Variants in NRXN1 observed in about 807,000 individuals in gnomAD.
NRXN1 encodes the protein neurexin-1.
A neutral mutation model predicts 150.9 loss-of-function variants in NRXN1; 39 were observed. That is an observed-to-expected ratio of 0.26 (90% CI 0.20 to 0.34). NRXN1 has a LOEUF of 0.34. Ranked by LOEUF, NRXN1 falls within the 10% of genes least tolerant of loss-of-function variation. NRXN1 has a pLI of 1.00. For synonymous variants in NRXN1, 924 were observed against 757.0 expected, an observed-to-expected ratio of 1.22 and a Z score of -3.62; for missense variants, 1,815 against 1,949.9, an observed-to-expected ratio of 0.93 and a Z score of 1.30.
chr2:51,008,253 G>A (rs1474909452), intron 2 of NRXN1, among the ~76,000 whole-genome samples: 2 of 151,834 alleles, frequency 1.3e-5, no homozygotes, highest in Non-Finnish European at 2.9e-5. Context: ...TAGCTCAAAT[G>A]CTATTATACT....
intron 5 of NRXN1, among the ~76,000 whole-genome samples, chr2:50,819,195 A>G (rs943687279): frequency 6.6e-6 from 1 of 152,172 alleles, no homozygotes; most frequent in African/African-American, 2.4e-5. Context: ...ACCCAAAGGA[A>G]CTGAAAACTA....
chr2:50,476,963 G>C (rs2090042328), intron 15 of NRXN1, among the ~76,000 whole-genome samples: 1 of 152,110 alleles, frequency 6.6e-6, no homozygotes, highest in South Asian at 2.1e-4. Flanking sequence ...GAAAATCAGA[G>C]AAATAACAGG....
intron 17 of NRXN1, among the ~76,000 whole-genome samples, chr2:50,416,157 A>G (rs922984509): frequency 2.0e-5 from 3 of 152,108 alleles, no homozygotes; most frequent in Non-Finnish European, 4.4e-5. Context: ...AAGCTATATA[A>G]TAAGATCAAT....
intron 2 of NRXN1, among the ~76,000 whole-genome samples, chr2:50,954,108 A>G (rs541206540): frequency 3.3e-5 from 5 of 152,312 alleles, no homozygotes; most frequent in Non-Finnish European, 7.4e-5. Flanking sequence ...AATGAAGTTA[A>G]TCACTACTTC....
In NRXN1 at chr2:51,028,294, G is replaced by A. The variant is rs576405440; in HGVS notation, c.-21C>T. 4 of 1,411,126 alleles carry A rather than the reference G, an allele frequency of 2.8e-6. No homozygotes were observed. The highest frequency in any genetic ancestry group is 3.7e-6 in the Non-Finnish European group (4 of 1,084,282). The allele number at this position is 1,411,126 out of a possible 1,614,324, so 87.4% of individuals were successfully genotyped here. A position where few individuals can be genotyped will look rare whatever the true frequency, so the allele number is the denominator to read the frequency against. ...CCCATGCTCGGGGCTGGGGTGCGGC[G>A]GGGGGGTGCCGGGGCCGACAGGGTC... On this transcript the variant is annotated 5_prime_UTR_variant, in exon 2 of 23. Coordinates refer to ENST00000401669, the MANE Select transcript of NRXN1 (RefSeq NM_001330078.2).
At chr2:49,924,253 T>G (rs1668705418) in intron 22 of NRXN1, among the ~76,000 whole-genome samples, 1 of 152,226 alleles carries the variant, frequency 6.6e-6, no homozygotes, top group Non-Finnish European at 1.5e-5. Context: ...GCTTTCATTT[T>G]AAACACATTT....
chr2:50,605,809 AAT>A (rs1677014372), intron 8 of NRXN1, among the ~76,000 whole-genome samples: 1 of 152,146 alleles, frequency 6.6e-6, no homozygotes, highest in African/African-American at 2.4e-5. Flanking sequence ...CCAAAAAAAA[AAT>A]GAAGTCAGAA....
intron 5 of NRXN1, among the ~76,000 whole-genome samples, chr2:50,778,273 C>T (rs1057135471): frequency 6.6e-6 from 1 of 152,140 alleles, no homozygotes; most frequent in Non-Finnish European, 1.5e-5. Flanking sequence ...ATTCACCCAA[C>T]TCAGTGTTTT....
At position 50,346,684 on chromosome 2, in the gene NRXN1, G is replaced by A; in HGVS notation, c.3365-109714C>T. ...TAACCCGCGAGAACTTGGCATCGCAGACCCACCGTGTCCGCCTCGCAAGGA... is the reference window on the plus strand; with the variant it reads ...TAACCCGCGAGAACTTGGCATCGCAAACCCACCGTGTCCGCCTCGCAAGGA... On this transcript the variant is annotated intron_variant, in intron 17 of 22. Transcript: ENST00000401669. The surrounding 1 kb of genome is among the most constrained non-coding windows in gnomAD (Gnocchi z 5.0). 1 of 1,612,974 alleles carries A rather than the reference G, an allele frequency of 6.2e-7. No individual in the cohort carries two copies. The highest frequency in any genetic ancestry group is 8.5e-7 in the Non-Finnish European group (1 of 1,179,344).
At chr2:50,562,979 A>T (rs1669325290) in intron 8 of NRXN1, among the ~76,000 whole-genome samples, 2 of 152,140 alleles carry the variant, frequency 1.3e-5, no homozygotes, top group African/African-American at 4.8e-5. Context: ...TAAACATCTC[A>T]TGTAATTTCG....
chr2:50,334,192 A>AATTTTATATATATATATATATATATAT (rs57808424), intron 17 of NRXN1, among the ~76,000 whole-genome samples: 36 of 118,970 alleles, frequency 3.0e-4, no homozygotes, highest in African/African-American at 7.3e-4. Context: ...ACCAGGACCA[A>AATTTTATATATATATATATATATATAT]ATATATATAT....
Position 50,497,401 on chromosome 2 carries a change from G to A in NRXN1, c.2811C>T (p.Ser937=), listed in dbSNP as rs1362398516. 2.5e-6 allele frequency: 4 copies of A among 1,601,136 alleles called. No individual in the cohort carries two copies. The South Asian group carries it at 4.5e-5, about 18-fold the overall frequency. The stretch of plus-strand genomic sequence containing the variant: ...TGTTATATAGAATTAATCCATCTAG[G>A]GATGTTGTCTTGAACTGGAAAAAAA... ...MHLFFQFKTT[S]LDGLILYNSG... The change falls in exon 14 of 23, where the codon TCC becomes TCT. Residue 937 remains serine, a synonymous_variant. Coordinates refer to ENST00000401669, the MANE Select transcript of NRXN1 (RefSeq NM_001330078.2).
chr2:50,297,697 C>T lies in NRXN1; in HGVS notation c.3365-60727G>A, dbSNP rs138527069. Reference sequence around the variant, plus strand: ...AATCAAGACAAAGTTCCTGGGATAACTGTTTATATTAAAATAATTAAAACT... The same window carrying T: ...AATCAAGACAAAGTTCCTGGGATAATTGTTTATATTAAAATAATTAAAACT... On this transcript the variant is annotated intron_variant, in intron 17 of 22. Coordinates refer to ENST00000401669, the MANE Select transcript of NRXN1 (RefSeq NM_001330078.2). Among the ~76,000 whole-genome samples, 44 of 152,252 alleles carry T rather than the reference C, an allele frequency of 2.9e-4. 1 individual carries two copies. In the East Asian group the frequency reaches 3.3e-3, roughly 11 times the overall value.
At chr2:50,744,081 T>A (rs542664985) in intron 5 of NRXN1, among the ~76,000 whole-genome samples, 1 of 152,262 alleles carries the variant, frequency 6.6e-6, no homozygotes, top group East Asian at 1.9e-4. Flanking sequence ...TTCACATGTG[T>A]TGAGAACATT....
chr2:50,184,805 G>T (rs1034697337), intron 18 of NRXN1, among the ~76,000 whole-genome samples: 1 of 151,982 alleles, frequency 6.6e-6, no homozygotes, highest in African/African-American at 2.4e-5. Flanking sequence ...ATTAACTCCT[G>T]ATGACCCTAT....
At chr2:50,736,998 C>T (rs986605348) in intron 5 of NRXN1, among the ~76,000 whole-genome samples, 2 of 152,110 alleles carry the variant, frequency 1.3e-5, no homozygotes, top group African/African-American at 4.8e-5. Flanking sequence ...TGGTGCATGC[C>T]TGTAATCCCA....
At chr2:50,574,943 G>A (rs1671177518) in intron 8 of NRXN1, among the ~76,000 whole-genome samples, 1 of 152,084 alleles carries the variant, frequency 6.6e-6, no homozygotes, top group Non-Finnish European at 1.5e-5. Flanking sequence ...ACCACACAAC[G>A]TCCCCCAGCA....
chr2:50,496,449 C>T (rs897383211), intron 14 of NRXN1, among the ~76,000 whole-genome samples: 16 of 152,280 alleles, frequency 1.1e-4, no homozygotes, highest in African/African-American at 3.6e-4. Flanking sequence ...CTCGTTCTTG[C>T]ACTTGCTTTT....
intron 12 of NRXN1, among the ~76,000 whole-genome samples, chr2:50,509,597 A>G (rs1268086938): frequency 6.6e-6 from 1 of 152,230 alleles, no homozygotes; most frequent in Non-Finnish European, 1.5e-5. Flanking sequence ...ACTTTCTCAC[A>G]GAATTTAACA....
Sources: gnomAD v4.1 joint callset for allele counts (sites outside exome capture counted in the v4.1 genomes callset) on GRCh38, gnomAD v4.1.1 for gene constraint, Gnocchi (gnomAD v3.1) non-coding constraint, MANE v1.5 for transcripts, NCBI Gene and HGNC (gene_info 2026-07-23, HGNC 2026-07-21) for gene names.